CNTN6: variants seen among roughly 807,000 people sequenced by gnomAD.
CNTN6 encodes the protein contactin 6, also known as contactin-6.
In CNTN6, 137 loss-of-function variants were observed where a neutral mutation model predicts 122.8. The observed-to-expected ratio is 1.12, with a 90% CI of 0.97 to 1.29. The LOEUF (loss-of-function observed/expected upper bound fraction) is 1.29, where lower values mean the gene tolerates loss of function less well. Among genes scored for constraint, CNTN6 ranks in the 50% most tolerant of loss-of-function variants. The pLI is 0.00. For synonymous variants in CNTN6, 570 were observed against 426.0 expected (o/e 1.34, Z -4.16); for missense variants, 1,634 against 1,223.4 (o/e 1.34, Z -5.01).
intron 4 of CNTN6, among the ~76,000 whole-genome samples, chr3:1,253,051 C>G (rs576006756): frequency 6.6e-6 from 1 of 152,108 alleles, no homozygotes. Flanking sequence ...GTCCTATGTG[C>G]GTGTTCTAAT....
chr3:1,259,785 C>T (rs1380941597), intron 4 of CNTN6, among the ~76,000 whole-genome samples: 2 of 152,014 alleles, frequency 1.3e-5, no homozygotes, highest in South Asian at 2.1e-4. Context: ...TATTAAATTA[C>T]CTAATGTAGA....
At chr3:1,325,000 C>CACGT (rs1701336458) in intron 8 of CNTN6, among the ~76,000 whole-genome samples, 1 of 151,720 alleles carries the variant, frequency 6.6e-6, no homozygotes, top group African/African-American at 2.4e-5. Flanking sequence ...AAGGACAGAA[C>CACGT]TAAATAAAGG....
chr3:1,372,444 A>G lies in CNTN6; in HGVS notation c.1638A>G (p.Lys546=). The G allele has an allele frequency of 6.2e-7, 1 of 1,611,778 alleles. No individual in the cohort carries two copies. The change falls in exon 13 of 23, where the codon AAA becomes AAG. Residue 546 remains lysine, a synonymous_variant. Coordinates refer to ENST00000446702, the MANE Select transcript of CNTN6 (RefSeq NM_001289080.2). ...FFNGDVIDLK[K]GVAHFERIGG... ...ATGGAGATGTCATAGACTTAAAAAA[A>G]GGAGTGGCTCATTTTGAAAGGATTG...
At chr3:1,365,120 G>C (rs759410737) in intron 12 of CNTN6, among the ~76,000 whole-genome samples, 2 of 151,950 alleles carry the variant, frequency 1.3e-5, no homozygotes, top group Non-Finnish European at 2.9e-5. Flanking sequence ...ACACACAGAA[G>C]TAGAGGTGAT....
At chr3:1,392,721 A>G (rs1328613295) in intron 20 of CNTN6, among the ~76,000 whole-genome samples, 1 of 143,654 alleles carries the variant, frequency 7.0e-6, no homozygotes, top group East Asian at 2.0e-4. Flanking sequence ...AAAAAAACAA[A>G]CAACCCCATC....
chr3:1,347,249 T>C (rs1704874629), intron 11 of CNTN6, among the ~76,000 whole-genome samples: 1 of 152,172 alleles, frequency 6.6e-6, no homozygotes, highest in Non-Finnish European at 1.5e-5. Flanking sequence ...TCTACACATA[T>C]AAATGCCTTT....
chr3:1,354,161 G>T (rs565074178), intron 12 of CNTN6, among the ~76,000 whole-genome samples: 57 of 151,476 alleles, frequency 3.8e-4, no homozygotes, highest in African/African-American at 1.3e-3. Context: ...TGAGAAACTC[G>T]GAAGCCACTG....
At chr3:1,268,063 A>C (rs894034124) in intron 4 of CNTN6, among the ~76,000 whole-genome samples, 17 of 152,332 alleles carry the variant, frequency 1.1e-4, no homozygotes, top group Middle Eastern at 3.4e-3. Context: ...AAATCTCTTT[A>C]GAGATTATTG....
At chr3:1,241,216 G>T (rs1445709254) in intron 4 of CNTN6, among the ~76,000 whole-genome samples, 1 of 152,234 alleles carries the variant, frequency 6.6e-6, no homozygotes, top group African/African-American at 2.4e-5. Flanking sequence ...CGATGGCCTG[G>T]CCTGGGCTCA....
chr3:1,285,830 A>C (rs1303188644), intron 5 of CNTN6, among the ~76,000 whole-genome samples: 3 of 152,184 alleles, frequency 2.0e-5, no homozygotes, highest in African/African-American at 7.2e-5. Context: ...AAATAATACA[A>C]GGAGATAACA....
At chr3:1,268,125 G>C (rs2094955742) in intron 4 of CNTN6, among the ~76,000 whole-genome samples, 1 of 152,214 alleles carries the variant, frequency 6.6e-6, no homozygotes, top group Non-Finnish European at 1.5e-5. Flanking sequence ...GTGAGAAAAT[G>C]AACATTTGCC....
At chr3:1,379,196 G>A (rs1181121333) in intron 17 of CNTN6, among the ~76,000 whole-genome samples, 2 of 152,040 alleles carry the variant, frequency 1.3e-5, no homozygotes, top group Non-Finnish European at 2.9e-5. Flanking sequence ...AAAGAATACT[G>A]TCTTTCCACG....
chr3:1,354,599 GGCA>G (rs748123705), intron 12 of CNTN6, among the ~76,000 whole-genome samples: 2 of 151,222 alleles, frequency 1.3e-5, no homozygotes, highest in African/African-American at 2.4e-5. Context: ...GCATAAAGAG[GGCA>G]GGGATTTTTG....
At chr3:1,243,208 C>CT (rs2094511899) in intron 4 of CNTN6, among the ~76,000 whole-genome samples, 1 of 152,124 alleles carries the variant, frequency 6.6e-6, no homozygotes, top group African/African-American at 2.4e-5. Context: ...TGGGACGCGG[C>CT]TTACGAGGAA....
intron 11 of CNTN6, among the ~76,000 whole-genome samples, chr3:1,343,662 A>G (rs1281666055): frequency 6.6e-6 from 1 of 152,144 alleles, no homozygotes; most frequent in Non-Finnish European, 1.5e-5. Context: ...ATAAACAAAT[A>G]AAGAATATTA....
intron 7 of CNTN6, among the ~76,000 whole-genome samples, chr3:1,302,001 A>G (rs1419312321): frequency 6.6e-6 from 1 of 152,166 alleles, no homozygotes; most frequent in Non-Finnish European, 1.5e-5. Context: ...CAAATGCCAT[A>G]TTGTCTTCTA....
chr3:1,121,898 G>A (rs562189200), intron 1 of CNTN6, among the ~76,000 whole-genome samples: 45 of 151,918 alleles, frequency 3.0e-4, no homozygotes, highest in African/African-American at 9.6e-4. Context: ...TAGAATATCA[G>A]CATAATTAAG....
At chr3:1,159,328 G>T (rs964870702) in intron 2 of CNTN6, among the ~76,000 whole-genome samples, 1 of 151,970 alleles carries the variant, frequency 6.6e-6, no homozygotes, top group Admixed American at 6.6e-5. Flanking sequence ...ATACACAGCG[G>T]GGGTGCACTG....
intron 4 of CNTN6, among the ~76,000 whole-genome samples, chr3:1,236,227 G>A (rs958436360): frequency 1.3e-5 from 2 of 151,482 alleles, no homozygotes; most frequent in Non-Finnish European, 2.9e-5. Context: ...CCTCCGTATA[G>A]GACCACAGCT....
Sources: gnomAD v4.1 joint callset for allele counts (sites outside exome capture counted in the v4.1 genomes callset) on GRCh38, gnomAD v4.1.1 for gene constraint, MANE v1.5 for transcripts, NCBI Gene and HGNC (gene_info 2026-07-23, HGNC 2026-07-21) for gene names.